ZNF462: variants seen among roughly 807,000 people sequenced by gnomAD.
The protein encoded by ZNF462 is zinc finger PBX1-interacting protein.
Under a neutral mutation model 201.9 loss-of-function variants are expected in ZNF462, and 10 were observed. The ratio of observed to expected loss-of-function variants is 0.05; its 90% CI spans 0.03 to 0.08. The LOEUF (loss-of-function observed/expected upper bound fraction) is 0.08, where lower values mean the gene tolerates loss of function less well. Ranked by LOEUF, ZNF462 falls within the 10% of genes least tolerant of loss-of-function variation. ZNF462 has a pLI of 1.00. For synonymous variants in ZNF462, 1,227 were observed against 1,193.3 expected (o/e 1.03, Z -0.58); for missense variants, 2,523 against 3,168.3 (o/e 0.80, Z 4.89).
chr9:106,933,876 G>A lies in ZNF462; in HGVS notation c.6116+1327G>A, dbSNP rs756865259. Among the ~76,000 whole-genome samples the A allele has an allele frequency of 6.6e-6, 1 of 152,134 alleles. No homozygotes were observed. Among genetic ancestry groups the A allele is most frequent in the Non-Finnish European group, 1.5e-5 (1 of 68,032 alleles). ...AGCTGAGGGAGGAGACCATGAAGCT[G>A]ACTGGGGCCCTAGCTGGGGGTTCAG... On this transcript the variant is annotated intron_variant, in intron 5 of 12. Transcript: ENST00000277225. The surrounding 1 kb of genome is among the most constrained non-coding windows in gnomAD (Gnocchi z 4.3).
At chr9:106,937,405 A>T (rs1460299332) in intron 6 of ZNF462, among the ~76,000 whole-genome samples, 3 of 152,174 alleles carry the variant, frequency 2.0e-5, no homozygotes, top group Non-Finnish European at 4.4e-5. Flanking sequence ...ACAAAGAATG[A>T]TCTTCCAATA....
chr9:106,919,844 T>C lies in ZNF462; in HGVS notation c.-30-3510T>C, dbSNP rs1403391003. 6.6e-6 allele frequency among the ~76,000 whole-genome samples: 1 copy of C among 152,210 alleles called. No homozygotes were observed. The highest frequency in any genetic ancestry group is 2.1e-4 in the South Asian group (1 of 4,828). Reference sequence around the variant, plus strand: ...TTTGACCTTGAAGGGCCTAGACATATATCTGGGGTAGAAGACAGGGATGCT... The same window carrying C: ...TTTGACCTTGAAGGGCCTAGACATACATCTGGGGTAGAAGACAGGGATGCT... On this transcript the variant is annotated intron_variant, in intron 1 of 12. Transcript: ENST00000277225. This position sits in a 1 kb window ranked among gnomAD's most constrained non-coding sequence, Gnocchi z 4.5.
chr9:106,921,652 G>C (rs1034389919), intron 1 of ZNF462, among the ~76,000 whole-genome samples: 8 of 152,226 alleles, frequency 5.3e-5, no homozygotes, highest in Admixed American at 4.6e-4. Context: ...GATGGGGAGT[G>C]CACACTGGAT....
intron 7 of ZNF462, among the ~76,000 whole-genome samples, chr9:106,965,182 A>G (rs1832015884): frequency 6.6e-6 from 1 of 152,086 alleles, no homozygotes; most frequent in East Asian, 1.9e-4. Context: ...TTGCCAGGGA[A>G]AAAGAAGAGA....
Position 106,935,430 on chromosome 9 carries a change from A to G in ZNF462, c.6117-73A>G. 1 of 1,377,944 alleles carries G rather than the reference A, an allele frequency of 7.3e-7. No homozygotes were observed. Among genetic ancestry groups the G allele is most frequent in the Non-Finnish European group, 1.0e-6 (1 of 973,070 alleles). The allele number at this position is 1,377,944 out of a possible 1,614,324, so 85.4% of individuals were successfully genotyped here. On this transcript the variant is annotated intron_variant, in intron 5 of 12. Coordinates refer to ENST00000277225, the MANE Select transcript of ZNF462 (RefSeq NM_021224.6). The surrounding 1 kb of genome is among the most constrained non-coding windows in gnomAD (Gnocchi z 4.1). ...GACCTAGAAGTAGGATTCCTGGAAA[A>G]AAAGCAATGAGCAAATCCTCTATGC...
intron 1 of ZNF462, among the ~76,000 whole-genome samples, chr9:106,877,189 T>G (rs970820382): frequency 4.6e-5 from 7 of 151,364 alleles, no homozygotes; most frequent in Non-Finnish European, 7.4e-5. Flanking sequence ...GTGGTGGTGG[T>G]GTGGTGGTGG....
chr9:106,865,461 G>A lies in ZNF462; in HGVS notation c.-31+2106G>A, dbSNP rs879940973. Among the ~76,000 whole-genome samples the A allele has an allele frequency of 1.3e-5, 2 of 152,122 alleles. No homozygotes were observed. Among genetic ancestry groups the A allele is most frequent in the Non-Finnish European group, 2.9e-5 (2 of 68,028 alleles). On this transcript the variant is annotated intron_variant, in intron 1 of 12. Coordinates refer to ENST00000277225, the MANE Select transcript of ZNF462 (RefSeq NM_021224.6). This position sits in a 1 kb window ranked among gnomAD's most constrained non-coding sequence, Gnocchi z 4.1. ...AAGACTTTATTGTCTGATTTGAGTTGATTTCTGCAAATATAAAAAATAATA... is the reference window on the plus strand; with the variant it reads ...AAGACTTTATTGTCTGATTTGAGTTAATTTCTGCAAATATAAAAAATAATA...
intron 1 of ZNF462, among the ~76,000 whole-genome samples, chr9:106,864,014 AG>A (rs1451602794): frequency 1.5e-5 from 2 of 130,940 alleles, no homozygotes; most frequent in Non-Finnish European, 3.1e-5. Flanking sequence ...GCGGATTGGC[AG>A]CCCCCCTCTT....
At chr9:106,869,389 A>G (rs1827489232) in intron 1 of ZNF462, among the ~76,000 whole-genome samples, 1 of 152,240 alleles carries the variant, frequency 6.6e-6, no homozygotes, top group African/African-American at 2.4e-5. Context: ...ATGACTTTTA[A>G]CAACACAGAC....
intron 7 of ZNF462, among the ~76,000 whole-genome samples, chr9:106,951,089 C>CAAA (rs113029598): frequency 7.1e-6 from 1 of 140,688 alleles, no homozygotes. Flanking sequence ...AACTCCATCT[C>CAAA]AAAAAAAAAA....
rs960885460 is a variant in ZNF462, at chr9:106,932,029, G to A, written c.6013-417G>A. Among the ~76,000 whole-genome samples the A allele has an allele frequency of 1.3e-5, 2 of 152,146 alleles. No homozygotes were observed. Among genetic ancestry groups the A allele is most frequent in the African/African-American group, 4.8e-5 (2 of 41,446 alleles). On this transcript the variant is annotated intron_variant, in intron 4 of 12. Coordinates refer to ENST00000277225, the MANE Select transcript of ZNF462 (RefSeq NM_021224.6). The surrounding 1 kb of genome is among the most constrained non-coding windows in gnomAD (Gnocchi z 6.8). The stretch of plus-strand genomic sequence containing the variant: ...TGGGAGAAGCCCTTGTTCACATTTC[G>A]CAAACAGTAGCAACCTGTGTCCGGG...
In ZNF462 at chr9:106,981,014, TC is replaced by T. The variant is rs1827388484; in HGVS notation, c.6833-3171del. On this transcript the variant is annotated intron_variant, in intron 9 of 12. Coordinates refer to ENST00000277225, the MANE Select transcript of ZNF462 (RefSeq NM_021224.6). The surrounding 1 kb of genome is among the most constrained non-coding windows in gnomAD (Gnocchi z 4.0). ...GACCTCATTCAGAAAACACTGTCAG[TC>T]ATTTGCCCACCTTTTAAAGTCTGTC... 6.6e-6 allele frequency among the ~76,000 whole-genome samples: 1 copy of T among 152,230 alleles called. No homozygotes were observed. The highest frequency in any genetic ancestry group is 1.5e-5 in the Non-Finnish European group (1 of 68,040).
Position 107,009,320 on chromosome 9 carries a change from A to T in ZNF462, c.7190-225A>T. On this transcript the variant is annotated intron_variant, in intron 11 of 12. Coordinates refer to ENST00000277225, the MANE Select transcript of ZNF462 (RefSeq NM_021224.6). This position sits in a 1 kb window ranked among gnomAD's most constrained non-coding sequence, Gnocchi z 6.1. ...TTGTGATAGAAGCATTGGGGAGGTG[A>T]GGCGAAATGAGGTCTTGGGGCCCAA... is the stretch of plus-strand genomic sequence containing the variant. 1 of 511,412 alleles carries T rather than the reference A, an allele frequency of 2.0e-6. No individual in the cohort carries two copies. 31.7% of individuals were successfully genotyped at this position (511,412 alleles called of 1,614,324 possible).
In ZNF462 at chr9:106,930,473, G is replaced by C. The variant is rs551599770; in HGVS notation, c.5848-52G>C. On this transcript the variant is annotated intron_variant, in intron 3 of 12. Coordinates refer to ENST00000277225, the MANE Select transcript of ZNF462 (RefSeq NM_021224.6). The surrounding 1 kb of genome is among the most constrained non-coding windows in gnomAD (Gnocchi z 5.8). ...TTAGTAAACTGCAAGAATAAATTCT[G>C]ACAATTGAGGGAGGGCTCGGAGTAC... 5.6e-6 allele frequency: 9 copies of C among 1,595,976 alleles called. No homozygotes were observed. The South Asian group carries it at 1.0e-4, about 18-fold the overall frequency.
chr9:106,980,590 A>G (rs902469464), intron 9 of ZNF462, among the ~76,000 whole-genome samples: 3 of 152,196 alleles, frequency 2.0e-5, no homozygotes, highest in Non-Finnish European at 2.9e-5. Context: ...GCTTGAAAGC[A>G]TGCTATTCTC....
intron 1 of ZNF462, among the ~76,000 whole-genome samples, chr9:106,881,904 T>G (rs1391893121): frequency 6.6e-6 from 1 of 152,092 alleles, no homozygotes; most frequent in African/African-American, 2.4e-5. Flanking sequence ...TTAGATGAAG[T>G]TCTGGTTTTT....
intron 9 of ZNF462, among the ~76,000 whole-genome samples, chr9:106,982,517 A>G (rs1257732784): frequency 6.6e-6 from 1 of 152,168 alleles, no homozygotes; most frequent in African/African-American, 2.4e-5. Context: ...AAACCATACA[A>G]CTGAATGGTT....
chr9:106,991,203 A>T (rs1019629503), intron 10 of ZNF462, among the ~76,000 whole-genome samples: 1 of 152,052 alleles, frequency 6.6e-6, no homozygotes, highest in South Asian at 2.1e-4. Flanking sequence ...GAATGAGCTT[A>T]GCAAGATTGC....
rs778140416 is a variant in ZNF462 at position 106,924,712 on chromosome 9, G to A, written c.800G>A (p.Arg267His). 43 of 1,613,890 alleles carry A rather than the reference G, an allele frequency of 2.7e-5. No individual in the cohort carries two copies. The highest frequency in any genetic ancestry group is 3.5e-5 in the Non-Finnish European group (41 of 1,179,998). Reference protein sequence around the residue: ...RWCDHMMKKHRSMVKILSSLR... With the variant: ...RWCDHMMKKHHSMVKILSSLR... ...TGTGACCACATGATGAAGAAACACC[G>A]CAGTATGGTCAAGATCCTTTCCAGT... Residue 267 changes from arginine to histidine, a missense_variant, in exon 3 of 13, where the codon CGC becomes CAC. Arg to His is a conservative substitution (Grantham distance 29). This residue lies in a region of ZNF462 where 480 missense variants were observed against 544.4 expected (regional missense o/e 0.88). Coordinates refer to ENST00000277225, the MANE Select transcript of ZNF462 (RefSeq NM_021224.6). This position sits in a 1 kb window ranked among gnomAD's most constrained non-coding sequence, Gnocchi z 6.2.
Sources: gnomAD v4.1 joint callset for allele counts (sites outside exome capture counted in the v4.1 genomes callset) on GRCh38, gnomAD v4.1.1 for gene constraint, gnomAD v4.1.1 regional missense constraint, Gnocchi (gnomAD v3.1) non-coding constraint, MANE v1.5 for transcripts, NCBI Gene and HGNC (gene_info 2026-07-23, HGNC 2026-07-21) for gene names.